The following MTA3 variants were observed in gnomAD, a reference collection of about 807,000 sequenced individuals.
MTA3 encodes metastasis-associated protein MTA3.
A neutral mutation model predicts 83.5 loss-of-function variants in MTA3; 34 were observed. The ratio of observed to expected loss-of-function variants is 0.41; its 90% CI spans 0.31 to 0.54. The LOEUF (loss-of-function observed/expected upper bound fraction) is 0.54. Ranked by LOEUF, MTA3 falls within the 20% of genes least tolerant of loss-of-function variation. The pLI is 0.33. For synonymous variants in MTA3, 303 were observed against 252.7 expected (o/e 1.20, Z -1.89); for missense variants, 761 against 726.4 (o/e 1.05, Z -0.55).
intron 8 of MTA3, among the ~76,000 whole-genome samples, chr2:42,680,962 C>T (rs1005116662): frequency 3.3e-5 from 5 of 152,166 alleles, no homozygotes; most frequent in Non-Finnish European, 5.9e-5. Context: ...AGGCTGGTCT[C>T]GAAGTCCTGG....
chr2:42,662,960 AC>A (rs1163089540), intron 8 of MTA3, among the ~76,000 whole-genome samples: 1 of 135,070 alleles, frequency 7.4e-6, no homozygotes, highest in African/African-American at 2.9e-5. Context: ...CGAATTCCTG[AC>A]CTCGTGATCT....
chr2:42,739,444 C>CT (rs986863147), intron 16 of MTA3, among the ~76,000 whole-genome samples: 1 of 121,696 alleles, frequency 8.2e-6, no homozygotes, highest in Non-Finnish European at 1.7e-5. Context: ...TACTTTATTG[C>CT]TAAAAAAAAA....
In MTA3 at chr2:42,753,662, G is replaced by T. The variant is rs2104612782; in HGVS notation, c.*263G>T. 2 of 1,306,682 alleles carry T rather than the reference G, an allele frequency of 1.5e-6. No individual in the cohort carries two copies. Among genetic ancestry groups the T allele is most frequent in the East Asian group, 6.8e-5 (2 of 29,306 alleles). The allele number at this position is 1,306,682 out of a possible 1,614,324, so 80.9% of individuals were successfully genotyped here. On this transcript the variant is annotated 3_prime_UTR_variant, in exon 17 of 17. Transcript: ENST00000405094. The stretch of plus-strand genomic sequence containing the variant: ...GGAGCGAGACCTGCTGAGAATTGAG[G>T]GGCTGAGGGAACCCCTCCACCTCCT...
intron 8 of MTA3, among the ~76,000 whole-genome samples, chr2:42,664,887 A>G (rs1041142362): frequency 2.6e-5 from 4 of 152,200 alleles, no homozygotes; most frequent in African/African-American, 4.8e-5. Flanking sequence ...CAAATCACCA[A>G]TAATGTATTG....
chr2:42,625,989 C>T (rs1414867543), intron 4 of MTA3, among the ~76,000 whole-genome samples: 1 of 143,448 alleles, frequency 7.0e-6, no homozygotes, highest in Non-Finnish European at 1.5e-5. Flanking sequence ...GTCGCCCAGG[C>T]TGGAGTGCAG....
rs1342798071 is a variant in MTA3 at position 42,606,405 on chromosome 2, T to C, written c.191-3053T>C. Among the ~76,000 whole-genome samples the C allele has an allele frequency of 1.3e-4, 18 of 143,694 alleles. 1 individual carries two copies. The highest frequency in any genetic ancestry group is 4.7e-4 in the African/African-American group (18 of 38,294). The allele number at this position is 143,694 out of a possible 152,430, so 94.3% of individuals were successfully genotyped here. ...AGACGGGGCGGCCGGGCAGAGACGC[T>C]CCTCACCTCCCAGACGGGGCGGCGG... On this transcript the variant is annotated intron_variant, in intron 3 of 16. Transcript: ENST00000405094.
intron 2 of MTA3, among the ~76,000 whole-genome samples, chr2:42,541,231 G>C (rs1030816074): frequency 6.6e-6 from 1 of 151,982 alleles, no homozygotes; most frequent in Non-Finnish European, 1.5e-5. Flanking sequence ...GGGTTTCTCC[G>C]TGTTGGTCAG....
intron 6 of MTA3, among the ~76,000 whole-genome samples, chr2:42,648,662 AG>A (rs1396442053): frequency 6.6e-6 from 1 of 152,248 alleles, no homozygotes; most frequent in Non-Finnish European, 1.5e-5. Flanking sequence ...TACAAATGAA[AG>A]TAAAGGCGTC....
intron 4 of MTA3, 58 bp downstream of exon 4, chr2:42,609,642 C>A: frequency 1.3e-6 from 2 of 1,523,032 alleles, no homozygotes; most frequent in South Asian, 1.3e-5. Context: ...AAACAAAAGA[C>A]TTCTTTGAAG....
intron 2 of MTA3, among the ~76,000 whole-genome samples, chr2:42,546,489 T>C (rs886842633): frequency 1.5e-5 from 2 of 136,676 alleles, no homozygotes; most frequent in African/African-American, 5.5e-5. Flanking sequence ...CCTGGCAACT[T>C]TGGTCATCCT....
chr2:42,733,968 A>C (rs757843985), intron 16 of MTA3, among the ~76,000 whole-genome samples: 1 of 152,214 alleles, frequency 6.6e-6, no homozygotes, highest in Non-Finnish European at 1.5e-5. Flanking sequence ...CTGTCCTATG[A>C]TCCACATGCT....
chr2:42,594,728 A>ATATATATATATTTTTTTTTTTT, intron 3 of MTA3, among the ~76,000 whole-genome samples: 8 of 24,034 alleles, frequency 3.3e-4, no homozygotes, highest in Admixed American at 8.8e-4. Flanking sequence ...ATATATATAT[A>ATATATATATATTTTTTTTTTTT]TTTTTTTTTT....
At chr2:42,671,949 A>AT (rs1219952674) in intron 8 of MTA3, among the ~76,000 whole-genome samples, 4 of 152,170 alleles carry the variant, frequency 2.6e-5, no homozygotes, top group Admixed American at 6.5e-5. Context: ...AGTCTAGAAA[A>AT]TACCCTCATG....
intron 10 of MTA3, among the ~76,000 whole-genome samples, 196 bp from the exon 11 acceptor site, chr2:42,697,580 A>C (rs1423489377): frequency 6.6e-6 from 1 of 152,192 alleles, no homozygotes; most frequent in Non-Finnish European, 1.5e-5. Flanking sequence ...TTAATACTTA[A>C]AGTTGTGTAC....
chr2:42,550,736 A>G (rs1218379021), intron 2 of MTA3, among the ~76,000 whole-genome samples: 1 of 152,096 alleles, frequency 6.6e-6, no homozygotes, highest in Non-Finnish European at 1.5e-5. Flanking sequence ...TGGAGCAATG[A>G]AGATATTAAA....
chr2:42,540,687 TAGCC>T (rs1437312986), intron 2 of MTA3, among the ~76,000 whole-genome samples: 3 of 151,396 alleles, frequency 2.0e-5, no homozygotes, highest in Admixed American at 6.6e-5. Context: ...ATTTAAAAAT[TAGCC>T]AGGCATGGTG....
chr2:42,595,610 ACTT>A (rs956803485), intron 3 of MTA3, among the ~76,000 whole-genome samples: 2 of 152,076 alleles, frequency 1.3e-5, no homozygotes, highest in Admixed American at 1.3e-4. Context: ...TTTTTCCGTG[ACTT>A]CTTCTCCTAT....
chr2:42,592,323 C>T (rs891740917), intron 3 of MTA3, among the ~76,000 whole-genome samples: 2 of 152,006 alleles, frequency 1.3e-5, no homozygotes, highest in African/African-American at 4.8e-5. Context: ...GTAGATCATA[C>T]CTGTAATCCC....
At chr2:42,512,561 A>G (rs1207533409) in intron 2 of MTA3, among the ~76,000 whole-genome samples, 1 of 152,194 alleles carries the variant, frequency 6.6e-6, no homozygotes, top group Non-Finnish European at 1.5e-5. Flanking sequence ...ATCCCCTTTC[A>G]CTAGCTTCTG....
Sources: allele counts gnomAD v4.1 joint callset (sites outside exome capture counted in the v4.1 genomes callset), GRCh38; gene constraint gnomAD v4.1.1; transcripts MANE v1.5; gene names NCBI Gene and HGNC (gene_info 2026-07-23, HGNC 2026-07-21).